Variants in TBL1XR1 observed in about 807,000 individuals in gnomAD.
TBL1XR1 encodes the protein TBL1X/Y related 1.
Under a neutral mutation model 66.9 loss-of-function variants are expected in TBL1XR1, and 5 were observed. The observed-to-expected ratio is 0.07, with a 90% CI of 0.04 to 0.16. The LOEUF (loss-of-function observed/expected upper bound fraction) is 0.16, where lower values mean the gene tolerates loss of function less well. Among genes scored for constraint, TBL1XR1 ranks in the 10% least tolerant of loss-of-function variants. TBL1XR1 has a pLI of 1.00. For missense variants in TBL1XR1, 238 were observed against 623.2 expected (o/e 0.38, Z 6.58); for synonymous variants, 210 against 206.0 (o/e 1.02, Z -0.17).
chr3:177,164,234 T>C (rs984795656), intron 1 of TBL1XR1, among the ~76,000 whole-genome samples: 8 of 152,214 alleles, frequency 5.3e-5, no homozygotes, highest in Admixed American at 3.3e-4. Flanking sequence ...ACTGTTCATG[T>C]TTACAACTAC....
chr3:177,132,008 T>C (rs558303562), intron 1 of TBL1XR1, among the ~76,000 whole-genome samples: 3 of 152,016 alleles, frequency 2.0e-5, no homozygotes, highest in Admixed American at 6.6e-5. Flanking sequence ...GGTAATGGCA[T>C]GGCACTGATA....
rs1718944465 is a variant in TBL1XR1 at position 177,064,772 on chromosome 3, T to TA, written c.58+147dup. The TA allele has an allele frequency of 1.5e-5, 9 of 617,270 alleles. No individual in the cohort carries two copies. In the South Asian group the frequency reaches 1.9e-4, roughly 13 times the overall value. 38.2% of individuals were successfully genotyped at this position (617,270 alleles called of 1,614,324 possible). A position where few individuals can be genotyped will look rare whatever the true frequency, so the allele number is the denominator to read the frequency against. ...AGAGTCAGAGAGTTAAACCATGCAG[T>TA]AAAACATAGCTTTAAAATGGCAGTC... On this transcript the variant is annotated intron_variant, in intron 3 of 15. Transcript: ENST00000457928.
intron 5 of TBL1XR1, 39 bp from the exon 6 acceptor site, chr3:177,050,649 A>G: frequency 1.2e-6 from 2 of 1,611,982 alleles, no homozygotes; most frequent in South Asian, 2.2e-5. Context: ...CCAGTTAGGC[A>G]GTATTACAAC....
chr3:177,035,037 C>G (rs1011368097), intron 12 of TBL1XR1, among the ~76,000 whole-genome samples: 1 of 151,942 alleles, frequency 6.6e-6, no homozygotes, highest in Non-Finnish European at 1.5e-5. Context: ...GAGGGCCAAC[C>G]AAGAAAAAAA....
chr3:177,114,768 G>C (rs1288112248), intron 1 of TBL1XR1, among the ~76,000 whole-genome samples: 1 of 151,790 alleles, frequency 6.6e-6, no homozygotes, highest in African/African-American at 2.4e-5. Flanking sequence ...TTAAGCCCAG[G>C]AGTTCGAGAC....
At chr3:177,040,268 T>C (rs1211365305) in intron 10 of TBL1XR1, among the ~76,000 whole-genome samples, 1 of 152,180 alleles carries the variant, frequency 6.6e-6, no homozygotes, top group East Asian at 1.9e-4. Flanking sequence ...TGAGCCGTGA[T>C]TGCACCACTG....
intron 1 of TBL1XR1, among the ~76,000 whole-genome samples, chr3:177,174,863 CTTCACTAGTTCCTAT>C (rs1261572717): frequency 2.0e-5 from 3 of 152,180 alleles, no homozygotes; most frequent in Non-Finnish European, 2.9e-5. Flanking sequence ...GTTTAAAATC[CTTCACTAGTTCCTAT>C]TACGGTCAGA....
intron 3 of TBL1XR1, among the ~76,000 whole-genome samples, chr3:177,058,220 T>C (rs887881809): frequency 6.6e-6 from 1 of 152,138 alleles, no homozygotes; most frequent in African/African-American, 2.4e-5. Context: ...CTATATAAGC[T>C]TCAAGTCAGA....
intron 2 of TBL1XR1, among the ~76,000 whole-genome samples, chr3:177,095,495 A>ATAT (rs1553840323): frequency 0.057 from 4,013 of 70,516 alleles, 96 homozygotes; most frequent in East Asian, 0.27. Context: ...GTGCAATTAG[A>ATAT]TTTTTTTTTT....
chr3:177,106,096 T>C (rs1471571229), intron 1 of TBL1XR1, among the ~76,000 whole-genome samples: 2 of 151,786 alleles, frequency 1.3e-5, no homozygotes, highest in Admixed American at 1.3e-4. Context: ...AGGACAATGA[T>C]AATGAAGACA....
Position 177,068,049 on chromosome 3 carries a change from A to C in TBL1XR1, c.-45-3027T>G, listed in dbSNP as rs531001969. Among the ~76,000 whole-genome samples, 9 of 152,354 alleles carry C rather than the reference A, an allele frequency of 5.9e-5. No homozygotes were observed. In the South Asian group the frequency reaches 1.7e-3, roughly 28 times the overall value. ...GCACTGAGACACTCATCCAGTCTTT[A>C]CACTTCACCACCCAGGTATCAGGCC... On this transcript the variant is annotated intron_variant, in intron 2 of 15. Coordinates refer to ENST00000457928, the MANE Select transcript of TBL1XR1 (RefSeq NM_024665.7).
At chr3:177,134,871 T>C (rs117844782) in intron 1 of TBL1XR1, among the ~76,000 whole-genome samples, 1 of 151,968 alleles carries the variant, frequency 6.6e-6, no homozygotes, top group African/African-American at 2.4e-5. Context: ...CTAACGGGTA[T>C]ACAGTAAAAA....
At chr3:177,137,937 T>C (rs572750825) in intron 1 of TBL1XR1, among the ~76,000 whole-genome samples, 2 of 152,292 alleles carry the variant, frequency 1.3e-5, no homozygotes, top group African/African-American at 4.8e-5. Context: ...ACCACTGTAC[T>C]CCAAACTGCA....
intron 10 of TBL1XR1, among the ~76,000 whole-genome samples, chr3:177,043,383 G>C (rs1715868533): frequency 1.3e-5 from 2 of 152,040 alleles, no homozygotes; most frequent in Non-Finnish European, 1.5e-5. Context: ...TTGTTGAATT[G>C]ACTGTTTATC....
At chr3:177,192,198 C>T (rs973651083) in intron 1 of TBL1XR1, among the ~76,000 whole-genome samples, 2 of 151,710 alleles carry the variant, frequency 1.3e-5, no homozygotes, top group African/African-American at 2.4e-5. Flanking sequence ...GAGATGGAGA[C>T]CACATGGTGA....
intron 1 of TBL1XR1, among the ~76,000 whole-genome samples, chr3:177,101,835 C>A (rs908821568): frequency 3.3e-5 from 5 of 152,164 alleles, no homozygotes; most frequent in East Asian, 3.8e-4. Flanking sequence ...GAATGTATCA[C>A]CGGTGCTTTG....
intron 15 of TBL1XR1, 29 bp from the exon 16 acceptor site, chr3:177,025,553 G>C: frequency 6.2e-7 from 1 of 1,605,460 alleles, no homozygotes; most frequent in African/African-American, 1.3e-5. Context: ...ATCAACCAGT[G>C]TATTCAGAAT....
intron 1 of TBL1XR1, among the ~76,000 whole-genome samples, chr3:177,189,286 G>A (rs1037840440): frequency 1.5e-5 from 2 of 129,892 alleles, no homozygotes; most frequent in African/African-American, 3.0e-5. Context: ...GGGAAGCCGA[G>A]GTGGGCAGAT....
intron 2 of TBL1XR1, among the ~76,000 whole-genome samples, chr3:177,072,838 T>C (rs970159331): frequency 6.6e-6 from 1 of 151,848 alleles, no homozygotes; most frequent in Non-Finnish European, 1.5e-5. Flanking sequence ...CCGAGGCGGG[T>C]GGATCACTTG....
Sources: allele counts gnomAD v4.1 joint callset (sites outside exome capture counted in the v4.1 genomes callset), GRCh38; gene constraint gnomAD v4.1.1; transcripts MANE v1.5; gene names NCBI Gene and HGNC (gene_info 2026-07-23, HGNC 2026-07-21).